Variants in TMEM41A observed in about 807,000 individuals in gnomAD.
TMEM41A encodes transmembrane protein 41A.
Under a neutral mutation model 25.7 loss-of-function variants are expected in TMEM41A, and 20 were observed. The ratio of observed to expected loss-of-function variants is 0.78; its 90% confidence interval spans 0.55 to 1.13. The LOEUF (loss-of-function observed/expected upper bound fraction) is 1.13. Ranked by LOEUF, TMEM41A falls within the 50% of genes most tolerant of loss-of-function variation. The probability of loss-of-function intolerance (pLI) is 0.00; values close to 1 mark genes in which losing one functional copy is unlikely to be tolerated. For synonymous variants in TMEM41A, 133 were observed against 139.6 expected, an observed-to-expected ratio of 0.95 and a Z score of 0.33; for missense variants, 299 against 314.3, an observed-to-expected ratio of 0.95 and a Z score of 0.37.
chr3:185,495,132 C>T, intron 3 of TMEM41A, 22 bp downstream of exon 3: 1 of 1,612,286 alleles, frequency 6.2e-7, no homozygotes, highest in Non-Finnish European at 8.5e-7. Flanking sequence ...TCCCAGCTCT[C>T]AGATGTGACC....
rs374696517 is a variant in TMEM41A at position 185,497,885 on chromosome 3, TAA to T, written c.120-906_120-905del. 5.4e-4 allele frequency among the ~76,000 whole-genome samples: 82 copies of T among 152,308 alleles called. No homozygotes were observed. In the East Asian group the frequency reaches 0.014, roughly 26 times the overall value. ...ACTAGGCACACTTCCATGCACTTTA[TAA>T]AGAGTATGCAGCACTCACAAAAACC... is the stretch of plus-strand genomic sequence containing the variant. On this transcript the variant is annotated intron_variant, in intron 1 of 4. Transcript: ENST00000421852.
rs1168548491 is a variant in TMEM41A at position 185,489,671 on chromosome 3, C to T, written c.*1866G>A. 6.6e-6 allele frequency: 1 copy of T among 152,168 alleles called. No individual in the cohort carries two copies. Among genetic ancestry groups the T allele is most frequent in the Non-Finnish European group, 1.5e-5 (1 of 68,040 alleles). 9.4% of individuals were successfully genotyped at this position (152,168 alleles called of 1,614,324 possible). A position where few individuals can be genotyped will look rare whatever the true frequency, so the allele number is the denominator to read the frequency against. ...TCACAACTGATAAGGCACATTATTG[C>T]AAAACTGTCGGGGTGGAGGGAGGGA... On this transcript the variant is annotated 3_prime_UTR_variant, in exon 5 of 5. Transcript: ENST00000421852.
chr3:185,491,746 A>G lies in TMEM41A; in HGVS notation c.586T>C (p.Tyr196His), dbSNP rs34871477. ...CCTGTCTGCACACAGATGAAATTAT[A>G]TGGGATCAAACCTGGAAGAAGAAAA... is the stretch of plus-strand genomic sequence containing the variant. ...FFSVLIGLIP[Y>H]NFICVQTGSI... The change falls in exon 5 of 5, where the codon TAT (tyrosine) becomes CAT (histidine). Residue 196 changes from tyrosine (Y) to histidine (H), a missense_variant. By Grantham distance (83) the Tyr-to-His change is moderately conservative. Coordinates refer to ENST00000421852, the MANE Select transcript of TMEM41A (RefSeq NM_080652.4). 6.3e-3 allele frequency: 10,168 copies of G among 1,611,136 alleles called. 44 individuals are homozygous for G. Among genetic ancestry groups the G allele is most frequent in the Non-Finnish European group, 7.0e-3 (8,302 of 1,178,450 alleles).
chr3:185,491,838 C>A, intron 4 of TMEM41A, 81 bp from the exon 5 acceptor site: 2 of 1,076,544 alleles, frequency 1.9e-6, no homozygotes, highest in Non-Finnish European at 2.7e-6. Context: ...TCACCAGGAA[C>A]AGTGACTACG....
Position 185,495,032 on chromosome 3 carries a change from T to C in TMEM41A, c.435+122A>G, listed in dbSNP as rs116209226. 9.5e-4 allele frequency: 1,188 copies of C among 1,248,196 alleles called. 11 individuals carry two copies. In the African/African-American group the frequency reaches 0.016, roughly 16 times the overall value. The allele number at this position is 1,248,196 out of a possible 1,614,324, so 77.3% of individuals were successfully genotyped here. A position where few individuals can be genotyped will look rare whatever the true frequency, so the allele number is the denominator to read the frequency against. ...CTCCTGAAGACATCAAAAGAACCCCTAGGACCTCCTGAAACAGCGTGGAAG... is the reference window on the plus strand; with the variant it reads ...CTCCTGAAGACATCAAAAGAACCCCCAGGACCTCCTGAAACAGCGTGGAAG... On this transcript the variant is annotated intron_variant, in intron 3 of 4. Transcript: ENST00000421852.
At chr3:185,491,945 T>C (rs1718971454) in intron 4 of TMEM41A, among the ~76,000 whole-genome samples, 188 bp from the exon 5 acceptor site, 1 of 152,190 alleles carries the variant, frequency 6.6e-6, no homozygotes. Context: ...ACTTCCCATA[T>C]ATGCCTGTCT....
At chr3:185,498,676 T>G (rs1719183598) in intron 1 of TMEM41A, 167 bp downstream of exon 1, 1 of 601,430 alleles carries the variant, frequency 1.7e-6, no homozygotes, top group Admixed American at 3.3e-5. Context: ...TCCGAGACCG[T>G]GCGGACGCGG....
At chr3:185,492,129 C>T (rs1021903788) in intron 4 of TMEM41A, 1 of 161,368 alleles carries the variant, frequency 6.2e-6, no homozygotes, top group African/African-American at 2.4e-5. Flanking sequence ...TGGTGAAACC[C>T]CGTCTCTACT....
At position 185,497,327 on chromosome 3, in the gene TMEM41A, T is replaced by C. The variant is rs535952590; in HGVS notation, c.120-346A>G. Among the ~76,000 whole-genome samples, 7 of 152,300 alleles carry C rather than the reference T, an allele frequency of 4.6e-5. No individual in the cohort carries two copies. In the East Asian group the frequency reaches 7.7e-4, roughly 17 times the overall value. On this transcript the variant is annotated intron_variant, in intron 1 of 4. Transcript: ENST00000421852. ...TTTAGCTCTGGGATTTTAGAATCTG[T>C]TCTTAAGAGGCAAATGGATTCATTT...
intron 4 of TMEM41A, chr3:185,493,342 C>G (rs1263124852): frequency 6.6e-6 from 1 of 152,122 alleles, no homozygotes. Context: ...CTTTAGATAT[C>G]GTCTAATTCA....
Position 185,498,948 on chromosome 3 carries a change from A to G in TMEM41A, c.14T>C (p.Leu5Pro). Residue 5 changes from leucine (L) to proline (P), a missense_variant, in exon 1 of 5, where the codon CTC (leucine) becomes CCC (proline). Coordinates refer to ENST00000421852, the MANE Select transcript of TMEM41A (RefSeq NM_080652.4). MRPL[L>P]GLLLVFAGCT... Reference sequence around the variant, plus strand: ...GCCGGCGAAGACCAGAAGGAGGCCGAGAAGCGGGCGCATGTCGGCTCCGCA... The same window carrying G: ...GCCGGCGAAGACCAGAAGGAGGCCGGGAAGCGGGCGCATGTCGGCTCCGCA... The G allele has an allele frequency of 6.2e-7, 1 of 1,601,252 alleles. No homozygotes were observed. Among genetic ancestry groups the G allele is most frequent in the South Asian group, 1.1e-5 (1 of 89,076 alleles).
rs1455799570 is a variant in TMEM41A, at chr3:185,490,448, G to A, written c.*1089C>T. On this transcript the variant is annotated 3_prime_UTR_variant, in exon 5 of 5. Transcript: ENST00000421852. ...CCTGGTCATGATTCAGGTGAGTCAA[G>A]GGCCCTGCCCCATCCAGATGGGTAA... The A allele has an allele frequency of 2.6e-5, 4 of 152,194 alleles. No individual in the cohort carries two copies. Among genetic ancestry groups the A allele is most frequent in the Non-Finnish European group, 5.9e-5 (4 of 68,050 alleles). The allele number at this position is 152,194 out of a possible 1,614,324, so 9.4% of individuals were successfully genotyped here. A position where few individuals can be genotyped will look rare whatever the true frequency, so the allele number is the denominator to read the frequency against.
intron 1 of TMEM41A, 110 bp downstream of exon 1, chr3:185,498,733 T>C: frequency 1.2e-6 from 1 of 806,678 alleles, no homozygotes; most frequent in Non-Finnish European, 1.9e-6. Flanking sequence ...GAACCTCAAT[T>C]CCCAACGCCT....
chr3:185,497,244 A>T lies in TMEM41A; in HGVS notation c.120-263T>A, dbSNP rs1719131149. Among the ~76,000 whole-genome samples the T allele has an allele frequency of 3.3e-5, 5 of 152,316 alleles. No homozygotes were observed. The South Asian group carries it at 1.0e-3, about 32-fold the overall frequency. On this transcript the variant is annotated intron_variant, in intron 1 of 4. Transcript: ENST00000421852. ...TTTTACGTCCTTGGACTAGTCCCTG[A>T]GTCTCTTTCCTTATCTAAAAAGTGA... is the stretch of plus-strand genomic sequence containing the variant.
intron 2 of TMEM41A, 173 bp downstream of exon 2, chr3:185,496,655 C>A: frequency 2.6e-6 from 2 of 763,420 alleles, no homozygotes; most frequent in Non-Finnish European, 4.3e-6. Flanking sequence ...CTGTCAGTGT[C>A]TCCCACTTCG....
At chr3:185,498,078 G>A (rs1305800141) in intron 1 of TMEM41A, among the ~76,000 whole-genome samples, 4 of 112,226 alleles carry the variant, frequency 3.6e-5, no homozygotes, top group Non-Finnish European at 7.8e-5. Flanking sequence ...CCAACATAAT[G>A]AGACCCCCCC....
chr3:185,492,221 G>C (rs1718979359), intron 4 of TMEM41A: 1 of 154,022 alleles, frequency 6.5e-6, no homozygotes, highest in African/African-American at 2.4e-5. Flanking sequence ...AGAATCACTG[G>C]AACCTGGGAG....
intron 4 of TMEM41A, chr3:185,493,063 C>T (rs144278006): frequency 6.6e-6 from 1 of 152,222 alleles, no homozygotes; most frequent in Non-Finnish European, 1.5e-5. Context: ...ACCTAGAAGC[C>T]CTGAATCGTC....
intron 2 of TMEM41A, chr3:185,496,241 C>T (rs778696661): frequency 1.3e-5 from 2 of 153,746 alleles, no homozygotes; most frequent in East Asian, 1.9e-4. Flanking sequence ...GCTGGGGAGC[C>T]GCTAAGCACT....
Sources: allele counts gnomAD v4.1 joint callset (sites outside exome capture counted in the v4.1 genomes callset), GRCh38; gene constraint gnomAD v4.1.1; transcripts MANE v1.5; gene names NCBI Gene and HGNC (gene_info 2026-07-23, HGNC 2026-07-21).